CTNNA2: variants seen among roughly 807,000 people sequenced by gnomAD.
CTNNA2 encodes the protein catenin alpha 2.
A neutral mutation model predicts 101.0 loss-of-function variants in CTNNA2; 42 were observed. The ratio of observed to expected loss-of-function variants is 0.42; its 90% CI spans 0.32 to 0.54. The LOEUF (loss-of-function observed/expected upper bound fraction) is 0.54, where lower values mean the gene tolerates loss of function less well. Ranked by LOEUF, CTNNA2 falls within the 20% of genes least tolerant of loss-of-function variation. CTNNA2 has a pLI of 0.14. For missense variants in CTNNA2, 871 were observed against 1,223.1 expected (o/e 0.71, Z 4.29); for synonymous variants, 450 against 456.4 (o/e 0.99, Z 0.18).
intron 7 of CTNNA2, among the ~76,000 whole-genome samples, chr2:80,331,307 C>T (rs1671311278): frequency 6.6e-6 from 1 of 152,148 alleles, no homozygotes; most frequent in African/African-American, 2.4e-5. Context: ...ATTCTCTTGC[C>T]TCCGTTTGAT....
intron 7 of CTNNA2, among the ~76,000 whole-genome samples, chr2:80,271,620 C>T (rs1210656873): frequency 6.6e-6 from 1 of 152,016 alleles, no homozygotes; most frequent in Admixed American, 6.6e-5. Flanking sequence ...GACGGGGTTT[C>T]ACCGTGTTAG....
intron 7 of CTNNA2, among the ~76,000 whole-genome samples, chr2:80,016,369 G>A (rs1694149070): frequency 6.6e-6 from 1 of 152,154 alleles, no homozygotes. Context: ...CTGCTCAGAA[G>A]GAAGGAGGGG....
At chr2:79,363,651 A>G (rs1677680591) in intron 3 of CTNNA2, among the ~76,000 whole-genome samples, 1 of 152,106 alleles carries the variant, frequency 6.6e-6, no homozygotes, top group South Asian at 2.1e-4. Flanking sequence ...GTCCCGTCTG[A>G]CACTTGGTTA....
intron 18 of CTNNA2, among the ~76,000 whole-genome samples, chr2:80,647,295 T>C (rs1323070097): frequency 6.7e-6 from 1 of 148,322 alleles, no homozygotes; most frequent in African/African-American, 2.4e-5. Context: ...CAAATGCTTG[T>C]CCAACATTTG....
intron 7 of CTNNA2, among the ~76,000 whole-genome samples, chr2:79,941,958 A>G (rs1443591090): frequency 6.6e-6 from 1 of 152,204 alleles, no homozygotes; most frequent in Non-Finnish European, 1.5e-5. Context: ...AAATTCTTAA[A>G]GATCCTACAA....
chr2:80,226,536 C>T (rs564171339), intron 7 of CTNNA2, among the ~76,000 whole-genome samples: 35 of 152,320 alleles, frequency 2.3e-4, no homozygotes, highest in Middle Eastern at 3.4e-3. Flanking sequence ...CAACTCACTG[C>T]GGCACTGGCA....
intron 3 of CTNNA2, among the ~76,000 whole-genome samples, chr2:79,365,027 A>G (rs1410471431): frequency 1.3e-5 from 2 of 152,102 alleles, no homozygotes; most frequent in Non-Finnish European, 2.9e-5. Context: ...CTGTAATTCA[A>G]TACTTTGGGA....
At chr2:80,192,953 G>A (rs1706609844) in intron 7 of CTNNA2, among the ~76,000 whole-genome samples, 1 of 62,758 alleles carries the variant, frequency 1.6e-5, no homozygotes, top group African/African-American at 3.3e-5. Context: ...GTGTATAGTG[G>A]TGTGTGTGTG....
At chr2:79,818,837 ATATATATATATG>A (rs1263253876) in intron 3 of CTNNA2, among the ~76,000 whole-genome samples, 3 of 138,670 alleles carry the variant, frequency 2.2e-5, no homozygotes, top group Admixed American at 7.2e-5. Context: ...ATATATATAT[ATATATATATATG>A]GATGTATGTG....
intron 6 of CTNNA2, among the ~76,000 whole-genome samples, chr2:79,891,396 TAC>T (rs1684295063): frequency 6.6e-6 from 1 of 152,230 alleles, no homozygotes; most frequent in Admixed American, 6.5e-5. Flanking sequence ...TTTAAGATCC[TAC>T]ATTTTAACAA....
intron 3 of CTNNA2, among the ~76,000 whole-genome samples, chr2:79,784,412 G>A (rs1040638271): frequency 6.6e-6 from 1 of 151,052 alleles, no homozygotes; most frequent in African/African-American, 2.4e-5. Context: ...CTCTACCCTG[G>A]TGACTCTTGC....
At chr2:80,129,131 A>G (rs1311488715) in intron 7 of CTNNA2, among the ~76,000 whole-genome samples, 1 of 152,202 alleles carries the variant, frequency 6.6e-6, no homozygotes, top group Non-Finnish European at 1.5e-5. Flanking sequence ...GGGAGTAGAC[A>G]TGATGTTTGG....
At chr2:80,529,657 C>T (rs940067937) in intron 9 of CTNNA2, among the ~76,000 whole-genome samples, 1 of 152,206 alleles carries the variant, frequency 6.6e-6, no homozygotes, top group East Asian at 1.9e-4. Context: ...AGGCAACAGC[C>T]TGGGGTTAAA....
intron 3 of CTNNA2, chr2:79,777,137 G>A (rs1037417248): frequency 2.6e-5 from 4 of 152,134 alleles, no homozygotes; most frequent in Admixed American, 2.6e-4. Flanking sequence ...TGAAGAGAAG[G>A]AAATTTATCT....
At chr2:79,552,499 G>A (rs112120663) in intron 1 of CTNNA2, among the ~76,000 whole-genome samples, 2 of 152,168 alleles carry the variant, frequency 1.3e-5, no homozygotes, top group African/African-American at 4.8e-5. Flanking sequence ...CAGTTCCCCA[G>A]TGGGGACTCT....
chr2:79,666,579 G>T (rs1419183249), intron 2 of CTNNA2, among the ~76,000 whole-genome samples: 9 of 152,140 alleles, frequency 5.9e-5, no homozygotes. Context: ...TCATTATTCA[G>T]AATCTCATAG....
chr2:80,054,786 C>T (rs1182334547), intron 7 of CTNNA2, among the ~76,000 whole-genome samples: 3 of 152,036 alleles, frequency 2.0e-5, no homozygotes, highest in Non-Finnish European at 4.4e-5. Flanking sequence ...GAAGAGATTA[C>T]CTGTTATCTG....
intron 2 of CTNNA2, among the ~76,000 whole-genome samples, chr2:79,706,325 T>C: frequency 7.6e-6 from 1 of 130,940 alleles, no homozygotes; most frequent in Non-Finnish European, 1.5e-5. Flanking sequence ...ATCACGCCAC[T>C]GCACTCCGCC....
At chr2:80,223,832 C>A (rs1164168930) in intron 7 of CTNNA2, among the ~76,000 whole-genome samples, 1 of 152,172 alleles carries the variant, frequency 6.6e-6, no homozygotes, top group Non-Finnish European at 1.5e-5. Context: ...GACTGATAAT[C>A]TTAAAAAGAG....
Sources: allele counts gnomAD v4.1 joint callset (sites outside exome capture counted in the v4.1 genomes callset), GRCh38; gene constraint gnomAD v4.1.1; transcripts MANE v1.5; gene names NCBI Gene and HGNC (gene_info 2026-07-23, HGNC 2026-07-21).